HEPH: variants seen among roughly 807,000 people sequenced by gnomAD.
HEPH encodes hephaestin.
Under a neutral mutation model 80.8 loss-of-function variants are expected in HEPH, and 69 were observed. The ratio of observed to expected loss-of-function variants is 0.85; its 90% CI spans 0.70 to 1.04. The LOEUF is 1.04. Ranked by LOEUF, HEPH falls within the 50% of genes least tolerant of loss-of-function variation. HEPH has a pLI of 0.00. For missense variants in HEPH, 1,115 were observed against 891.3 expected (o/e 1.25, Z -3.20); for synonymous variants, 431 against 322.8 (o/e 1.34, Z -3.60).
chrX:66,186,634 A>T (rs1447309707), intron 4 of HEPH, among the ~76,000 whole-genome samples: 1 of 111,792 alleles, frequency 8.9e-6, no homozygotes, highest in African/African-American at 3.2e-5. Flanking sequence ...CCGGTACCTC[A>T]GATGGAAATG....
At chrX:66,167,499 C>T (rs2086424031) in intron 1 of HEPH, among the ~76,000 whole-genome samples, 1 of 112,219 alleles carries the variant, frequency 8.9e-6, no homozygotes, top group African/African-American at 3.2e-5. Flanking sequence ...GAGTTCAAGG[C>T]ACAACTGCTT....
At chrX:66,256,512 C>G (rs1380436370) in intron 17 of HEPH, among the ~76,000 whole-genome samples, 182 bp downstream of exon 17, 3 of 111,757 alleles carry the variant, frequency 2.7e-5, no homozygotes, top group Non-Finnish European at 1.9e-5. Context: ...TATACAAAGG[C>G]AGATATGTGG....
At chrX:66,224,086 C>CTT (rs528968841) in intron 15 of HEPH, among the ~76,000 whole-genome samples, 3 of 97,059 alleles carry the variant, frequency 3.1e-5, no homozygotes, top group Non-Finnish European at 4.1e-5. Context: ...CTTTCCCCCG[C>CTT]TTTTTTTTTT....
chrX:66,220,190 C>T (rs760513016), intron 15 of HEPH, among the ~76,000 whole-genome samples: 10 of 111,568 alleles, frequency 9.0e-5, no homozygotes, highest in African/African-American at 3.3e-4. Flanking sequence ...ATTACAGTTC[C>T]TCTACATACA....
At chrX:66,206,383 G>T (rs867509335) in intron 13 of HEPH, among the ~76,000 whole-genome samples, 14 of 5,147 alleles carry the variant, frequency 2.7e-3, no homozygotes, top group South Asian at 0.021. Context: ...TTTTTTTTTT[G>T]ACAAAGCCTC....
intron 4 of HEPH, among the ~76,000 whole-genome samples, chrX:66,178,706 C>A (rs1364566952): frequency 2.1e-4 from 24 of 112,385 alleles, no homozygotes; most frequent in Non-Finnish European, 4.3e-4. Flanking sequence ...TGATGATGAG[C>A]ATTTTTTCAT....
At chrX:66,265,620 T>C (rs979019005) in intron 20 of HEPH, among the ~76,000 whole-genome samples, 3 of 111,275 alleles carry the variant, frequency 2.7e-5, no homozygotes, top group Non-Finnish European at 5.7e-5. Context: ...AATTGTCTAA[T>C]GAAATCAAAG....
At chrX:66,225,068 T>G (rs1294252960) in intron 15 of HEPH, among the ~76,000 whole-genome samples, 1 of 110,954 alleles carries the variant, frequency 9.0e-6, no homozygotes, top group African/African-American at 3.3e-5. Context: ...GGAACTGGTC[T>G]GGGTACCTTG....
Position 66,201,331 on chromosome X carries a change from C to T in HEPH, c.2077+579C>T, listed in dbSNP as rs139966767. On this transcript the variant is annotated intron_variant, in intron 12 of 20. Transcript: ENST00000343002. The stretch of plus-strand genomic sequence containing the variant: ...TTCAGGCTCTTTCATTAACTTGCTG[C>T]GTAACTTTGGTCTAATTACTTCCCT... Among the ~76,000 whole-genome samples, 361 of 110,483 alleles carry T rather than the reference C, an allele frequency of 3.3e-3. 4 individuals carry two copies. The highest frequency in any genetic ancestry group is 0.011 in the African/African-American group (342 of 30,383).
intron 1 of HEPH, among the ~76,000 whole-genome samples, chrX:66,166,982 C>T (rs767945098): frequency 3.6e-5 from 4 of 112,229 alleles, no homozygotes; most frequent in Non-Finnish European, 7.5e-5. Flanking sequence ...CCACTAATAC[C>T]TTTTGATCAC....
At chrX:66,257,257 C>T (rs1439912807) in intron 17 of HEPH, among the ~76,000 whole-genome samples, 1 of 111,350 alleles carries the variant, frequency 9.0e-6, no homozygotes, top group Non-Finnish European at 1.9e-5. Flanking sequence ...CAGTTAGGTC[C>T]TGTTAATGCA....
chrX:66,196,924 T>G (rs917990753), intron 9 of HEPH, among the ~76,000 whole-genome samples: 1 of 110,982 alleles, frequency 9.0e-6, no homozygotes, highest in African/African-American at 3.3e-5. Flanking sequence ...TTGTCTATAT[T>G]TTTTTTCAAG....
chrX:66,211,570 A>G (rs1323354913), intron 15 of HEPH, among the ~76,000 whole-genome samples: 2 of 111,344 alleles, frequency 1.8e-5, no homozygotes, highest in Non-Finnish European at 3.8e-5. Flanking sequence ...TAGCTCCTGC[A>G]TATAAGTGAG....
intron 15 of HEPH, among the ~76,000 whole-genome samples, chrX:66,219,862 G>C (rs1044203482): frequency 9.0e-6 from 1 of 111,267 alleles, no homozygotes; most frequent in Non-Finnish European, 1.9e-5. Context: ...AGTGGGGGCT[G>C]TCCAGTCCCG....
At position 66,209,993 on chromosome X, in the gene HEPH, A is replaced by G. The variant is rs141811099; in HGVS notation, c.2563+1747A>G. On this transcript the variant is annotated intron_variant, in intron 15 of 20. Transcript: ENST00000343002. ...AGATGTGGGAAGCATCAACATCTAG[A>G]TAGTGGTTAAAAGCATAAGAGTGAA... Among the ~76,000 whole-genome samples the G allele has an allele frequency of 5.8e-3, 645 of 111,763 alleles. 2 individuals are homozygous for G. The highest frequency in any genetic ancestry group is 9.0e-3 in the Non-Finnish European group (479 of 53,074).
In HEPH at chrX:66,192,253, T is replaced by A. The variant is rs1250761520; in HGVS notation, c.1187T>A (p.Met396Lys). The change falls in exon 7 of 21, where the codon ATG becomes AAG. Residue 396 changes from methionine (M) to lysine (K), a missense_variant. Physicochemically the swap from Met to Lys is moderately conservative, Grantham distance 95. Transcript: ENST00000343002. Reference protein sequence around the residue: ...AHEIQWDYGPMGHDGSTGKNL... With the variant: ...AHEIQWDYGPKGHDGSTGKNL... ...GAGATTCAATGGGACTATGGCCCGA[T>A]GGGGCATGATGGGAGTACTGGGAAG... 2 of 1,208,827 alleles carry A rather than the reference T, an allele frequency of 1.7e-6. No individual in the cohort carries two copies.
At chrX:66,189,587 T>G in intron 5 of HEPH, 97 bp from the exon 6 acceptor site, 1 of 949,693 alleles carries the variant, frequency 1.1e-6, no homozygotes, top group Non-Finnish European at 1.5e-6. Context: ...GTTTATAACC[T>G]CATTTAAATA....
Position 66,189,789 on chromosome X carries a change from C to G in HEPH, c.914C>G (p.Thr305Arg). The G allele has an allele frequency of 8.3e-7, 1 of 1,211,303 alleles. No individual in the cohort carries two copies. Among genetic ancestry groups the G allele is most frequent in the Non-Finnish European group, 1.1e-6 (1 of 895,343 alleles). ...FGMGNEIDVH[T>R]AFFHGQMLTT... ...ATGGGCAATGAAATTGATGTCCACA[C>G]AGCATTTTTCCATGGACAGATGCTG... Residue 305 changes from threonine (T) to arginine (R), a missense_variant, in exon 6 of 21, where the codon ACA (threonine) becomes AGA (arginine). Physicochemically the swap from Thr to Arg is moderately conservative, Grantham distance 71 (BLOSUM62 -1). Coordinates refer to ENST00000343002, the MANE Select transcript of HEPH (RefSeq NM_001367233.3).
Position 66,193,623 on chromosome X carries a change from C to T in HEPH, c.1354C>T (p.His452Tyr), listed in dbSNP as rs1422217335. The T allele has an allele frequency of 5.1e-6, 6 of 1,183,740 alleles. No homozygotes were observed. Among genetic ancestry groups the T allele is most frequent in the African/African-American group, 3.6e-5 (2 of 56,316 alleles). ...QEKMHLEEDR[H>Y]LGILGPVIRA... ...GAAGATGCATTTGGAGGAAGATAGG[C>T]ATCTTGGAATCCTGGGTGAGGAATT... The change falls in exon 8 of 21, where the codon CAT (histidine) becomes TAT (tyrosine). Residue 452 changes from histidine (H) to tyrosine (Y), a missense_variant. Transcript: ENST00000343002.
Sources: gnomAD v4.1 joint callset for allele counts (sites outside exome capture counted in the v4.1 genomes callset) on GRCh38, gnomAD v4.1.1 for gene constraint, MANE v1.5 for transcripts, NCBI Gene and HGNC (gene_info 2026-07-23, HGNC 2026-07-21) for gene names.